Variants in NTRK3 observed in about 807,000 individuals in gnomAD.
The protein encoded by NTRK3 is NT-3 growth factor receptor.
A neutral mutation model predicts 91.7 loss-of-function variants in NTRK3; 24 were observed. That is an observed-to-expected ratio of 0.26 (90% CI 0.19 to 0.37). NTRK3 has a LOEUF of 0.37. Among genes scored for constraint, NTRK3 ranks in the 10% least tolerant of loss-of-function variants. The pLI is 1.00. For missense variants in NTRK3, 880 were observed against 1,068.9 expected, an observed-to-expected ratio of 0.82 and a Z score of 2.46; for synonymous variants, 483 against 404.0, an observed-to-expected ratio of 1.20 and a Z score of -2.34.
At chr15:87,960,046 T>G (rs1419940327) in intron 14 of NTRK3, among the ~76,000 whole-genome samples, 1 of 152,214 alleles carries the variant, frequency 6.6e-6, no homozygotes, top group Non-Finnish European at 1.5e-5. Flanking sequence ...AAATTAAGTG[T>G]GTAGAGCAGT....
intron 14 of NTRK3, among the ~76,000 whole-genome samples, chr15:87,969,637 A>G (rs1344941579): frequency 6.6e-6 from 1 of 152,212 alleles, no homozygotes; most frequent in Non-Finnish European, 1.5e-5. Context: ...CACAAAACCA[A>G]GTCAGAATCT....
intron 13 of NTRK3, among the ~76,000 whole-genome samples, chr15:88,111,756 AATG>A (rs2051382355): frequency 6.6e-6 from 1 of 152,226 alleles, no homozygotes. Flanking sequence ...TGAAAAACAG[AATG>A]ATAATATCGA....
chr15:88,030,203 T>C (rs1253621590), intron 14 of NTRK3, among the ~76,000 whole-genome samples: 2 of 152,204 alleles, frequency 1.3e-5, no homozygotes, highest in Non-Finnish European at 2.9e-5. Flanking sequence ...TGCCTTCCCA[T>C]TTTCACCAAC....
intron 3 of NTRK3, among the ~76,000 whole-genome samples, chr15:88,219,343 C>G (rs2050053629): frequency 6.6e-6 from 1 of 152,238 alleles, no homozygotes; most frequent in South Asian, 2.1e-4. Context: ...ACTGACAGCC[C>G]CCTGAAACCC....
intron 17 of NTRK3, among the ~76,000 whole-genome samples, chr15:87,901,814 G>A (rs2066476394): frequency 6.6e-6 from 1 of 151,988 alleles, no homozygotes; most frequent in Non-Finnish European, 1.5e-5. Context: ...AGGAGAGGAA[G>A]AGGTTAAGCA....
Position 88,136,457 on chromosome 15 carries a change from G to A in NTRK3, c.765+10C>T. 2 of 1,614,174 alleles carry A rather than the reference G, an allele frequency of 1.2e-6. No individual in the cohort carries two copies. The highest frequency in any genetic ancestry group is 1.7e-6 in the Non-Finnish European group (2 of 1,180,028). On this transcript the variant is annotated intron_variant, in intron 8 of 18. Transcript: ENST00000394480. ...AGCCTCCTGATGGGGCTGAAGCCCA[G>A]GATGCCTACCTGGTGAGTGTTGATG... is the stretch of plus-strand genomic sequence containing the variant.
chr15:87,870,307 A>G (rs1382514330), exon 19 of NTRK3: 1 of 190,910 alleles, frequency 5.2e-6, no homozygotes, highest in African/African-American at 2.3e-5. Context: ...ATTGGAGACC[A>G]CTATTCTAAG....
chr15:88,148,413 T>C (rs1407114976), intron 5 of NTRK3, among the ~76,000 whole-genome samples: 1 of 151,990 alleles, frequency 6.6e-6, no homozygotes, highest in Non-Finnish European at 1.5e-5. Context: ...ATCAACACCG[T>C]GATGTAAGTA....
intron 14 of NTRK3, chr15:87,981,494 T>TACAGGCACAGCAGAGTGGGTA: frequency 8.4e-7 from 1 of 1,186,200 alleles, no homozygotes; most frequent in Non-Finnish European, 1.2e-6. Flanking sequence ...CTGTACCCAC[T>TACAGGCACAGCAGAGTGGGTA]CTGCTGTGCC....
intron 13 of NTRK3, chr15:88,098,712 G>C (rs924373114): frequency 1.3e-5 from 3 of 232,330 alleles, no homozygotes; most frequent in Non-Finnish European, 8.5e-6. Flanking sequence ...AAATCCGCAG[G>C]GGCCAGAAGA....
At chr15:88,053,322 G>C (rs943400637) in intron 13 of NTRK3, among the ~76,000 whole-genome samples, 1 of 152,170 alleles carries the variant, frequency 6.6e-6, no homozygotes, top group Admixed American at 6.5e-5. Context: ...GTGTGTGGAG[G>C]CTCCACTTAA....
chr15:88,135,960 C>A (rs755542029), exon 9 of NTRK3: 6 of 1,614,128 alleles, frequency 3.7e-6, no homozygotes, highest in Non-Finnish European at 5.1e-6. Context: ...CAATGCACGT[C>A]AGGGTGAAGC....
chr15:87,873,556 A>C, exon 19 of NTRK3: 1 of 231,908 alleles, frequency 4.3e-6, no homozygotes, highest in Admixed American at 5.6e-5. Flanking sequence ...AAAAGAGCTC[A>C]CTTCAAAGCT....
chr15:87,912,953 T>A (rs199946646), intron 17 of NTRK3, among the ~76,000 whole-genome samples: 1 of 52,658 alleles, frequency 1.9e-5, no homozygotes, highest in African/African-American at 1.5e-4. Flanking sequence ...TATATATATA[T>A]ATATATATAT....
Position 87,933,354 on chromosome 15 carries a change from C to T in NTRK3, c.1717-170G>A, listed in dbSNP as rs138273505. On this transcript the variant is annotated intron_variant, in intron 15 of 18. Coordinates refer to ENST00000394480, the Ensembl canonical transcript of NTRK3. The stretch of plus-strand genomic sequence containing the variant: ...TCTCAACTATAAGGCCTGACTCCTT[C>T]CTTCTCCAGCATTTTCATCCCTGCA... Among the ~76,000 whole-genome samples the T allele has an allele frequency of 2.2e-3, 334 of 152,350 alleles. 2 individuals are homozygous for T. Among genetic ancestry groups the T allele is most frequent in the African/African-American group, 7.6e-3 (317 of 41,578 alleles).
At chr15:88,216,065 A>G (rs2141494861) in intron 3 of NTRK3, among the ~76,000 whole-genome samples, 1 of 152,312 alleles carries the variant, frequency 6.6e-6, no homozygotes, top group Non-Finnish European at 1.5e-5. Context: ...AAAGATGTTC[A>G]CAAAGCACCC....
chr15:88,215,301 C>T (rs1410455336), intron 3 of NTRK3, among the ~76,000 whole-genome samples: 3 of 152,216 alleles, frequency 2.0e-5, no homozygotes, highest in East Asian at 1.9e-4. Context: ...AGCTGTCACC[C>T]GGGATGGACC....
At chr15:88,033,654 G>C (rs575112613) in intron 13 of NTRK3, among the ~76,000 whole-genome samples, 10 of 151,930 alleles carry the variant, frequency 6.6e-5, no homozygotes, top group East Asian at 1.9e-4. Context: ...CGTATTCCTC[G>C]AATGCTCTGT....
At chr15:88,199,948 A>T (rs2141260540) in intron 3 of NTRK3, among the ~76,000 whole-genome samples, 1 of 152,276 alleles carries the variant, frequency 6.6e-6, no homozygotes, top group South Asian at 2.1e-4. Context: ...AGAAGGAAAA[A>T]CCTACAGGTG....
Sources: allele counts gnomAD v4.1 joint callset (sites outside exome capture counted in the v4.1 genomes callset), GRCh38; gene constraint gnomAD v4.1.1; transcripts MANE v1.5; gene names NCBI Gene and HGNC (gene_info 2026-07-23, HGNC 2026-07-21).